The following DHRS7B variants were observed in gnomAD, a reference collection of about 807,000 sequenced individuals.
DHRS7B encodes peroxisomal reductase activating PPAR-gamma.
A neutral mutation model predicts 26.4 loss-of-function variants in DHRS7B; 24 were observed. The ratio of observed to expected loss-of-function variants is 0.91; its 90% CI spans 0.66 to 1.28. The LOEUF is 1.28. Ranked by LOEUF, DHRS7B falls within the 50% of genes most tolerant of loss-of-function variation. DHRS7B has a pLI of 0.00. For missense variants in DHRS7B, 368 were observed against 419.4 expected (o/e 0.88, Z 1.07); for synonymous variants, 142 against 166.4 (o/e 0.85, Z 1.13).
At chr17:21,137,456 G>A (rs554088033) in intron 1 of DHRS7B, among the ~76,000 whole-genome samples, 1 of 150,766 alleles carries the variant, frequency 6.6e-6, no homozygotes, top group Admixed American at 6.6e-5. Flanking sequence ...ACCACGCCTG[G>A]CTAATTTTTT....
intron 1 of DHRS7B, among the ~76,000 whole-genome samples, chr17:21,136,498 G>A (rs984027930): frequency 6.6e-6 from 1 of 151,926 alleles, no homozygotes; most frequent in Non-Finnish European, 1.5e-5. Flanking sequence ...GGCAATGAAT[G>A]AAACTCCGTC....
intron 1 of DHRS7B, among the ~76,000 whole-genome samples, chr17:21,163,213 A>G (rs754187279): frequency 6.6e-6 from 1 of 151,976 alleles, no homozygotes; most frequent in African/African-American, 2.4e-5. Flanking sequence ...ACCAAAAAAA[A>G]CCAAAAAACA....
chr17:21,172,067 A>G lies in DHRS7B; in HGVS notation c.70A>G (p.Ile24Val). 6.2e-7 allele frequency: 1 copy of G among 1,614,206 alleles called. No individual in the cohort carries two copies. The highest frequency in any genetic ancestry group is 2.2e-5 in the East Asian group (1 of 44,880). ...KAMDFITSTAILPLLFGCLGV... is the reference protein window; with the variant it reads ...KAMDFITSTAVLPLLFGCLGV... ...CATGGACTTCATCACCTCCACAGCC[A>G]TCCTGCCCCTGCTGTTCGGCTGCCT... The change falls in exon 2 of 7, where the codon ATC (isoleucine) becomes GTC (valine). Residue 24 changes from isoleucine (I) to valine (V), a missense_variant. By Grantham distance (29) the Ile-to-Val change is conservative. Transcript: ENST00000395511.
At chr17:21,140,538 A>ACACACAC (rs972677956) in intron 1 of DHRS7B, among the ~76,000 whole-genome samples, 2 of 134,850 alleles carry the variant, frequency 1.5e-5, no homozygotes, top group African/African-American at 5.6e-5. Flanking sequence ...ACACACACAC[A>ACACACAC]CCCTGACACC....
chr17:21,162,047 C>T (rs1430017309), intron 1 of DHRS7B, among the ~76,000 whole-genome samples: 4 of 151,164 alleles, frequency 2.6e-5, no homozygotes, highest in Non-Finnish European at 5.9e-5. Context: ...TCAGGGTGAG[C>T]CATCATCCTA....
intron 1 of DHRS7B, among the ~76,000 whole-genome samples, chr17:21,165,979 C>T (rs531111111): frequency 1.5e-3 from 221 of 151,500 alleles, no homozygotes; most frequent in Non-Finnish European, 2.6e-3. Flanking sequence ...TCCTAGGTAG[C>T]CATAGTAAGT....
intron 1 of DHRS7B, among the ~76,000 whole-genome samples, chr17:21,139,014 A>G (rs1303931263): frequency 6.6e-6 from 1 of 152,214 alleles, no homozygotes; most frequent in Non-Finnish European, 1.5e-5. Flanking sequence ...TAACAGTGAA[A>G]AATGATTTGA....
intron 1 of DHRS7B, among the ~76,000 whole-genome samples, chr17:21,152,450 CA>C (rs1216084829): frequency 1.8e-4 from 28 of 152,314 alleles, no homozygotes; most frequent in African/African-American, 6.5e-4. Context: ...CCACCACACC[CA>C]GCCCAGGTGT....
intron 1 of DHRS7B, among the ~76,000 whole-genome samples, chr17:21,165,916 C>A (rs868559746): frequency 1.9e-3 from 229 of 119,336 alleles, no homozygotes; most frequent in East Asian, 4.6e-3. Flanking sequence ...ACTCCGTCTC[C>A]AAAAAAAAAA....
intron 1 of DHRS7B, among the ~76,000 whole-genome samples, chr17:21,147,444 A>G (rs1973665776): frequency 6.6e-6 from 1 of 152,218 alleles, no homozygotes; most frequent in South Asian, 2.1e-4. Flanking sequence ...CAGACAACCA[A>G]AAACAAATGT....
chr17:21,132,049 C>G (rs9907345), intron 1 of DHRS7B, among the ~76,000 whole-genome samples: 3,058 of 152,250 alleles, frequency 0.02, 89 homozygotes, highest in African/African-American at 0.07. Context: ...GTTGTTAAAA[C>G]TTCAGACAAA....
chr17:21,153,357 A>T (rs947489008), intron 1 of DHRS7B, among the ~76,000 whole-genome samples: 1 of 152,218 alleles, frequency 6.6e-6, no homozygotes, highest in African/African-American at 2.4e-5. Context: ...AAGCAAAGAG[A>T]AAAAAGACTG....
At chr17:21,159,862 C>CAAAA (rs59176427) in intron 1 of DHRS7B, among the ~76,000 whole-genome samples, 10 of 62,176 alleles carry the variant, frequency 1.6e-4, no homozygotes, top group Non-Finnish European at 2.1e-4. Context: ...GACCCTGTCT[C>CAAAA]AAAAAAAAAA....
chr17:21,163,617 T>G (rs952267788), intron 1 of DHRS7B, among the ~76,000 whole-genome samples: 3 of 152,198 alleles, frequency 2.0e-5, no homozygotes, highest in African/African-American at 7.2e-5. Context: ...GTGGCCTCCT[T>G]GTAGCCCTTG....
intron 1 of DHRS7B, 196 bp from the exon 2 acceptor site, chr17:21,171,822 G>C: frequency 1.4e-6 from 1 of 724,904 alleles, no homozygotes. Flanking sequence ...GCTCATGTCA[G>C]TACTGAGAGG....
At chr17:21,140,536 A>ACC (rs962367541) in intron 1 of DHRS7B, among the ~76,000 whole-genome samples, 7 of 144,718 alleles carry the variant, frequency 4.8e-5, no homozygotes, top group African/African-American at 7.6e-5. Context: ...ACACACACAC[A>ACC]CACCCTGACA....
chr17:21,174,742 A>G (rs1974335670), intron 2 of DHRS7B, among the ~76,000 whole-genome samples: 2 of 152,200 alleles, frequency 1.3e-5, no homozygotes, highest in African/African-American at 2.4e-5. Flanking sequence ...CAAATGTCCT[A>G]TGTATTGGTC....
At position 21,191,076 on chromosome 17, in the gene DHRS7B, C is replaced by G; in HGVS notation, c.901C>G (p.Arg301Gly). The G allele has an allele frequency of 6.2e-7, 1 of 1,614,214 alleles. No homozygotes were observed. Among genetic ancestry groups the G allele is most frequent in the South Asian group, 1.1e-5 (1 of 91,076 alleles). ...ACTGCCTTCCTTGGCTGTTTATCTTCGAACTCTGGCTCCTGGGCTCTTCTT... is the reference window on the plus strand; with the variant it reads ...ACTGCCTTCCTTGGCTGTTTATCTTGGAACTCTGGCTCCTGGGCTCTTCTT... Reference protein sequence around the residue: ...DLLPSLAVYLRTLAPGLFFSL... With the variant: ...DLLPSLAVYLGTLAPGLFFSL... Residue 301 changes from arginine to glycine, a missense_variant, in exon 7 of 7, where the codon CGA becomes GGA. Physicochemically the swap from Arg to Gly is moderately radical, Grantham distance 125. Coordinates refer to ENST00000395511, the MANE Select transcript of DHRS7B (RefSeq NM_015510.5).
intron 5 of DHRS7B, among the ~76,000 whole-genome samples, chr17:21,188,015 A>AT (rs1197861923): frequency 1.3e-5 from 2 of 151,540 alleles, no homozygotes; most frequent in African/African-American, 2.4e-5. Context: ...AGCCTGGCTA[A>AT]TTTTTTTTGT....
Sources: allele counts gnomAD v4.1 joint callset (sites outside exome capture counted in the v4.1 genomes callset), GRCh38; gene constraint gnomAD v4.1.1; transcripts MANE v1.5; gene names NCBI Gene and HGNC (gene_info 2026-07-23, HGNC 2026-07-21).